UBE2E2: variants seen among roughly 807,000 people sequenced by gnomAD.
UBE2E2 encodes the protein ubiquitin-conjugating enzyme E2 E2.
In UBE2E2, 6 loss-of-function variants were observed where a neutral mutation model predicts 24.7. That is an observed-to-expected ratio of 0.24 (90% CI 0.13 to 0.48). The LOEUF is 0.48. Among genes scored for constraint, UBE2E2 ranks in the 20% least tolerant of loss-of-function variants. The pLI is 0.99. For missense variants in UBE2E2, 169 were observed against 245.0 expected, an observed-to-expected ratio of 0.69 and a Z score of 2.07; for synonymous variants, 104 against 83.6, an observed-to-expected ratio of 1.24 and a Z score of -1.33.
At position 23,208,723 on chromosome 3, in the gene UBE2E2, T is replaced by A; in HGVS notation, c.24T>A (p.Val8=). The stretch of plus-strand genomic sequence containing the variant: ...AAATGTCCACTGAGGCACAAAGAGT[T>A]GATGACAGTCCAAGCACTAGTGGAG... The part of the protein sequence containing the change: MSTEAQR[V]DDSPSTSGGS... Residue 8 remains valine, a synonymous_variant, in exon 2 of 6, where the codon GTT becomes GTA. Transcript: ENST00000396703. The A allele has an allele frequency of 6.2e-7, 1 of 1,612,102 alleles. No individual in the cohort carries two copies. Among genetic ancestry groups the A allele is most frequent in the Non-Finnish European group, 8.5e-7 (1 of 1,179,216 alleles).
chr3:23,208,677 G>A lies in UBE2E2; in HGVS notation c.-8-15G>A. The A allele has an allele frequency of 6.3e-7, 1 of 1,577,588 alleles. No homozygotes were observed. Among genetic ancestry groups the A allele is most frequent in the Non-Finnish European group, 8.6e-7 (1 of 1,163,040 alleles). Reference sequence around the variant, plus strand: ...TAGTACAGCTAAATAAATGATTTTTGATTCTTTAATCCAGGATCTAAAATG... The same window carrying A: ...TAGTACAGCTAAATAAATGATTTTTAATTCTTTAATCCAGGATCTAAAATG... On this transcript the variant is annotated splice_polypyrimidine_tract_variant and intron_variant, in intron 1 of 5. Coordinates refer to ENST00000396703, the MANE Select transcript of UBE2E2 (RefSeq NM_152653.4).
chr3:23,396,765 C>T (rs368392849), intron 3 of UBE2E2, among the ~76,000 whole-genome samples: 9 of 152,160 alleles, frequency 5.9e-5, no homozygotes, highest in South Asian at 4.2e-4. Flanking sequence ...AATACAACAA[C>T]GTTTGACTCA....
At position 23,224,156 on chromosome 3, in the gene UBE2E2, G is replaced by GTTTT. The variant is rs531661466; in HGVS notation, c.227+6865_227+6868dup. Among the ~76,000 whole-genome samples, 159 of 93,656 alleles carry GTTTT rather than the reference G, an allele frequency of 1.7e-3. 2 individuals are homozygous for GTTTT. Among genetic ancestry groups the GTTTT allele is most frequent in the African/African-American group, 5.0e-3 (125 of 24,760 alleles). The allele number at this position is 93,656 out of a possible 152,430, so 61.4% of individuals were successfully genotyped here. On this transcript the variant is annotated intron_variant, in intron 3 of 5. Transcript: ENST00000396703. ...TCTTGTGGTTCCATGTAAATTTTAG[G>GTTTT]TTTTTTTTTTTTTTTTTTTTTTTTA...
intron 3 of UBE2E2, among the ~76,000 whole-genome samples, chr3:23,447,818 A>G (rs1390872740): frequency 1.3e-5 from 2 of 152,200 alleles, no homozygotes; most frequent in Non-Finnish European, 2.9e-5. Flanking sequence ...AGTGGTTTGT[A>G]AAGTGATGGT....
At chr3:23,524,890 A>ACACACACG (rs1559411327) in intron 4 of UBE2E2, among the ~76,000 whole-genome samples, 2 of 151,880 alleles carry the variant, frequency 1.3e-5, no homozygotes. Flanking sequence ...ACACACACAC[A>ACACACACG]CACGTGTGCA....
chr3:23,337,798 G>C (rs549725166), intron 3 of UBE2E2, among the ~76,000 whole-genome samples: 3 of 152,324 alleles, frequency 2.0e-5, no homozygotes, highest in Non-Finnish European at 2.9e-5. Flanking sequence ...GTTAGATCAT[G>C]CAGTGTATTT....
At chr3:23,488,824 C>T (rs1699435849) in intron 3 of UBE2E2, among the ~76,000 whole-genome samples, 1 of 152,122 alleles carries the variant, frequency 6.6e-6, no homozygotes, top group Non-Finnish European at 1.5e-5. Flanking sequence ...ATATTCTTTG[C>T]TACATTTGCT....
intron 3 of UBE2E2, among the ~76,000 whole-genome samples, chr3:23,484,008 A>C (rs1284925850): frequency 1.3e-5 from 2 of 152,218 alleles, no homozygotes; most frequent in Non-Finnish European, 2.9e-5. Context: ...GGAGCCCTGC[A>C]GCTCCTAGGA....
chr3:23,546,966 A>T (rs1695538856), intron 5 of UBE2E2, among the ~76,000 whole-genome samples: 1 of 152,056 alleles, frequency 6.6e-6, no homozygotes, highest in African/African-American at 2.4e-5. Flanking sequence ...CCATAGTTTT[A>T]TCCGTGCTTT....
At chr3:23,217,758 CATT>C (rs1696517550) in intron 3 of UBE2E2, among the ~76,000 whole-genome samples, 1 of 151,870 alleles carries the variant, frequency 6.6e-6, no homozygotes. Context: ...TTCTTGTCGT[CATT>C]GGTTGTGACT....
At chr3:23,422,206 A>G (rs1697818216) in intron 3 of UBE2E2, among the ~76,000 whole-genome samples, 1 of 152,198 alleles carries the variant, frequency 6.6e-6, no homozygotes, top group East Asian at 1.9e-4. Flanking sequence ...ATCTTTTAAG[A>G]GAAACAATTT....
intron 3 of UBE2E2, among the ~76,000 whole-genome samples, chr3:23,259,167 G>A (rs1431834389): frequency 6.6e-6 from 1 of 152,102 alleles, no homozygotes; most frequent in African/African-American, 2.4e-5. Flanking sequence ...GCACTTCTGC[G>A]GGCAGTCTTC....
At chr3:23,433,326 A>G (rs142446562) in intron 3 of UBE2E2, among the ~76,000 whole-genome samples, 3 of 152,052 alleles carry the variant, frequency 2.0e-5, no homozygotes, top group African/African-American at 7.2e-5. Flanking sequence ...AAAAAGCTGA[A>G]AAACAGCTGA....
At chr3:23,264,070 G>GATTA (rs1485485344) in intron 3 of UBE2E2, among the ~76,000 whole-genome samples, 2 of 152,076 alleles carry the variant, frequency 1.3e-5, no homozygotes, top group Non-Finnish European at 2.9e-5. Flanking sequence ...TTAATCGTAT[G>GATTA]ATGTAGGTAC....
intron 3 of UBE2E2, among the ~76,000 whole-genome samples, chr3:23,357,758 CCTT>C (rs1575584218): frequency 1.3e-5 from 2 of 152,238 alleles, no homozygotes; most frequent in East Asian, 1.9e-4. Flanking sequence ...GTATCTGACT[CCTT>C]ATTATTTATA....
intron 5 of UBE2E2, among the ~76,000 whole-genome samples, chr3:23,534,647 G>A (rs1192916116): frequency 6.6e-6 from 1 of 151,616 alleles, no homozygotes; most frequent in African/African-American, 2.4e-5. Context: ...TTATTTTAAA[G>A]TAGTCAAATG....
At chr3:23,492,798 C>A (rs1699526281) in intron 3 of UBE2E2, among the ~76,000 whole-genome samples, 1 of 152,032 alleles carries the variant, frequency 6.6e-6, no homozygotes, top group East Asian at 1.9e-4. Flanking sequence ...AACCTCCCAA[C>A]TTCTTTGATT....
At chr3:23,404,215 G>A (rs1409240723) in intron 3 of UBE2E2, among the ~76,000 whole-genome samples, 1 of 152,120 alleles carries the variant, frequency 6.6e-6, no homozygotes, top group African/African-American at 2.4e-5. Context: ...GATTCTGCTT[G>A]TTGGAATATC....
chr3:23,506,149 T>G (rs1694450930), intron 4 of UBE2E2, among the ~76,000 whole-genome samples: 1 of 152,268 alleles, frequency 6.6e-6, no homozygotes, highest in African/African-American at 2.4e-5. Context: ...ACTCCAGCCT[T>G]GGTTAGAGAA....
Sources: gnomAD v4.1 joint callset for allele counts (sites outside exome capture counted in the v4.1 genomes callset) on GRCh38, gnomAD v4.1.1 for gene constraint, MANE v1.5 for transcripts, NCBI Gene and HGNC (gene_info 2026-07-23, HGNC 2026-07-21) for gene names.